The following DTNA variants were observed in gnomAD, a reference collection of about 807,000 sequenced individuals.
DTNA encodes the protein dystrophin-related protein 3.
A neutral mutation model predicts 100.7 loss-of-function variants in DTNA; 43 were observed. The observed-to-expected ratio is 0.43, with a 90% CI of 0.33 to 0.55. DTNA has a LOEUF of 0.55. Among genes scored for constraint, DTNA ranks in the 20% least tolerant of loss-of-function variants. DTNA has a pLI of 0.04. For missense variants in DTNA, 798 were observed against 953.9 expected, an observed-to-expected ratio of 0.84 and a Z score of 2.15; for synonymous variants, 349 against 347.9, an observed-to-expected ratio of 1.00 and a Z score of -0.04.
intron 1 of DTNA, among the ~76,000 whole-genome samples, chr18:34,570,736 G>A (rs779753826): frequency 1.4e-4 from 21 of 152,166 alleles, no homozygotes; most frequent in Non-Finnish European, 2.1e-4. Context: ...AAGACCTGCG[G>A]GTAATTCCAG....
At chr18:34,742,041 G>C (rs1203153553) in intron 1 of DTNA, among the ~76,000 whole-genome samples, 1 of 152,144 alleles carries the variant, frequency 6.6e-6, no homozygotes, top group Non-Finnish European at 1.5e-5. Context: ...AGGAATCACA[G>C]TAGGCCTGTC....
intron 1 of DTNA, among the ~76,000 whole-genome samples, chr18:34,562,172 A>G (rs1487821253): frequency 1.3e-5 from 2 of 152,236 alleles, no homozygotes; most frequent in Admixed American, 1.3e-4. Context: ...AAAACCGTAC[A>G]ACAACAATCA....
rs771598266 is a variant in DTNA at position 34,818,222 on chromosome 18, C to T, written c.768C>T (p.Tyr256=). The stretch of plus-strand genomic sequence containing the variant: ...GTGAGAGTATGATGGGATTTCGCTA[C>T]CGATGCCAACAGTGTCACAATTACC... ...CHSESMMGFR[Y]RCQQCHNYQL... is the part of the protein sequence containing the mutation. The change falls in exon 8 of 23, where the codon TAC becomes TAT. Residue 256 remains tyrosine, a synonymous_variant. Transcript: ENST00000444659. 1.2e-6 allele frequency: 2 copies of T among 1,614,022 alleles called. No homozygotes were observed. Among genetic ancestry groups the T allele is most frequent in the South Asian group, 2.2e-5 (2 of 91,080 alleles).
intron 1 of DTNA, among the ~76,000 whole-genome samples, chr18:34,550,469 A>T (rs771583322): frequency 1.7e-4 from 26 of 152,130 alleles, no homozygotes; most frequent in Non-Finnish European, 3.2e-4. Context: ...TTAACTTAAC[A>T]GCTGTGTCAC....
At chr18:34,803,873 T>G (rs910454703) in intron 4 of DTNA, among the ~76,000 whole-genome samples, 3 of 152,204 alleles carry the variant, frequency 2.0e-5, no homozygotes, top group Non-Finnish European at 2.9e-5. Flanking sequence ...ATTTTTATAA[T>G]GATTACTAAT....
rs549097333 is a variant in DTNA at position 34,824,670 on chromosome 18, A to G, written c.1002-2923A>G. On this transcript the variant is annotated intron_variant, in intron 9 of 22. Transcript: ENST00000444659. The stretch of plus-strand genomic sequence containing the variant: ...ATAAAATTAAGAAAATAATAAGTGG[A>G]AAATGCTTTATCAATACATTAGAAA... Among the ~76,000 whole-genome samples the G allele has an allele frequency of 1.1e-4, 17 of 152,280 alleles. No individual in the cohort carries two copies. In the South Asian group the frequency reaches 3.5e-3, roughly 32 times the overall value.
At chr18:34,580,775 C>G (rs1201190608) in intron 1 of DTNA, among the ~76,000 whole-genome samples, 1 of 152,124 alleles carries the variant, frequency 6.6e-6, no homozygotes, top group Non-Finnish European at 1.5e-5. Flanking sequence ...GAATGAAGAC[C>G]TCTGCACCTT....
intron 19 of DTNA, among the ~76,000 whole-genome samples, chr18:34,878,824 C>T (rs932737912): frequency 5.3e-5 from 8 of 151,894 alleles, no homozygotes; most frequent in East Asian, 1.9e-4. Context: ...TCCTTAAGGC[C>T]GACCTACCAA....
chr18:34,526,897 T>C (rs1384383962), intron 1 of DTNA, among the ~76,000 whole-genome samples: 1 of 152,154 alleles, frequency 6.6e-6, no homozygotes, highest in Non-Finnish European at 1.5e-5. Context: ...GTATTTGGTT[T>C]TCATCTGTTA....
intron 15 of DTNA, among the ~76,000 whole-genome samples, chr18:34,856,867 G>T (rs1200400033): frequency 1.3e-5 from 2 of 151,962 alleles, no homozygotes; most frequent in East Asian, 3.9e-4. Context: ...TCCTTCCTTG[G>T]ACCAAATGGC....
intron 3 of DTNA, among the ~76,000 whole-genome samples, chr18:34,776,844 T>C (rs1207322788): frequency 6.6e-6 from 1 of 152,172 alleles, no homozygotes; most frequent in Non-Finnish European, 1.5e-5. Flanking sequence ...CACTCTCCTA[T>C]CTGGTTACTC....
At chr18:34,689,685 C>A (rs925518811) in intron 1 of DTNA, among the ~76,000 whole-genome samples, 3 of 152,318 alleles carry the variant, frequency 2.0e-5, no homozygotes, top group East Asian at 1.9e-4. Context: ...GCTGGGAGAT[C>A]CACTGCTCTC....
intron 2 of DTNA, among the ~76,000 whole-genome samples, chr18:34,756,324 T>A (rs1220996503): frequency 1.3e-5 from 2 of 152,220 alleles, no homozygotes; most frequent in Admixed American, 1.3e-4. Context: ...ACACAGACAG[T>A]TGATAAACAC....
At chr18:34,495,331 GTAAT>G (rs1449223534) in intron 1 of DTNA, among the ~76,000 whole-genome samples, 1 of 152,160 alleles carries the variant, frequency 6.6e-6, no homozygotes, top group Non-Finnish European at 1.5e-5. Context: ...GTGTCCTACA[GTAAT>G]TAAAGTTGCA....
chr18:34,619,294 A>G (rs985791017), intron 1 of DTNA, among the ~76,000 whole-genome samples: 2 of 152,152 alleles, frequency 1.3e-5, no homozygotes, highest in African/African-American at 4.8e-5. Context: ...GGGTCAGTGG[A>G]AAACCATTTA....
chr18:34,779,232 A>G (rs1045230792), intron 3 of DTNA, among the ~76,000 whole-genome samples: 1 of 152,194 alleles, frequency 6.6e-6, no homozygotes, highest in Non-Finnish European at 1.5e-5. Flanking sequence ...TTTGTGTCTT[A>G]TCACTGTTTA....
At chr18:34,725,735 A>G (rs2086515428) in intron 1 of DTNA, among the ~76,000 whole-genome samples, 1 of 152,216 alleles carries the variant, frequency 6.6e-6, no homozygotes, top group Non-Finnish European at 1.5e-5. Context: ...TGACCCAACA[A>G]TCCCATTACT....
At position 34,617,630 on chromosome 18, in the gene DTNA, G is replaced by C. The variant is rs73412415; in HGVS notation, c.-2+124116G>C. ...CAGGTTTTGGTATCACGATGATGCT[G>C]GTCTCACAGAATGAATTAGGGAAGA... On this transcript the variant is annotated intron_variant, in intron 1 of 19. Coordinates refer to the DTNA transcript ENST00000283365. 5.8e-3 allele frequency among the ~76,000 whole-genome samples: 889 copies of C among 152,222 alleles called. 7 individuals carry two copies. Among genetic ancestry groups the C allele is most frequent in the African/African-American group, 0.02 (850 of 41,540 alleles).
chr18:34,517,833 T>G (rs1445213708), intron 1 of DTNA, among the ~76,000 whole-genome samples: 1 of 152,164 alleles, frequency 6.6e-6, no homozygotes, highest in East Asian at 1.9e-4. Flanking sequence ...TACCACATTT[T>G]GTATAACCAT....
Sources: gnomAD v4.1 joint callset for allele counts (sites outside exome capture counted in the v4.1 genomes callset) on GRCh38, gnomAD v4.1.1 for gene constraint, MANE v1.5 for transcripts, NCBI Gene and HGNC (gene_info 2026-07-23, HGNC 2026-07-21) for gene names.